The following SCMH1 variants were observed in gnomAD, a reference collection of about 807,000 sequenced individuals.
The protein encoded by SCMH1 is Scm polycomb group protein homolog 1.
SCMH1 carries 37 observed loss-of-function variants against 70.8 expected under a neutral mutation model. The observed-to-expected ratio is 0.52, with a 90% CI of 0.40 to 0.69. The LOEUF (loss-of-function observed/expected upper bound fraction) is 0.69, where lower values mean the gene tolerates loss of function less well. SCMH1 is among the 30% of genes least tolerant of loss of function. SCMH1 has a pLI of 0.00. For synonymous variants in SCMH1, 292 were observed against 307.4 expected (o/e 0.95, Z 0.52); for missense variants, 607 against 827.3 (o/e 0.73, Z 3.27).
intron 13 of SCMH1, among the ~76,000 whole-genome samples, chr1:41,035,589 C>G (rs1452582656): frequency 6.6e-6 from 1 of 152,192 alleles, no homozygotes; most frequent in Non-Finnish European, 1.5e-5. Context: ...CCTCCTCTCT[C>G]AGAGAAAGTG....
At chr1:41,214,001 A>G (rs1166097800) in intron 1 of SCMH1, among the ~76,000 whole-genome samples, 1 of 152,136 alleles carries the variant, frequency 6.6e-6, no homozygotes, top group African/African-American at 2.4e-5. Flanking sequence ...GAAAAACCCA[A>G]CATGTATTGT....
At chr1:41,028,814 T>G in intron 13 of SCMH1, 88 bp from the exon 15 acceptor site, 9 of 1,428,880 alleles carry the variant, frequency 6.3e-6, no homozygotes, top group Non-Finnish European at 8.7e-6. Context: ...AGTGGCCTTC[T>G]AGGTGATGCT....
At chr1:41,190,424 A>T (rs149163202) in intron 1 of SCMH1, among the ~76,000 whole-genome samples, 71 of 152,366 alleles carry the variant, frequency 4.7e-4, no homozygotes, top group African/African-American at 1.7e-3. Flanking sequence ...ACTTTCTGCC[A>T]GTCAGAGCTC....
chr1:41,151,590 C>T (rs1006991290), intron 5 of SCMH1, 24 bp downstream of exon 5: 1 of 1,580,568 alleles, frequency 6.3e-7, no homozygotes, highest in Non-Finnish European at 8.7e-7. Flanking sequence ...CTTCCACCTA[C>T]TAAAGATGTT....
In SCMH1 at chr1:41,241,376, G is replaced by A. The variant is rs560753838; in HGVS notation, c.-118+683C>T. Among the ~76,000 whole-genome samples the A allele has an allele frequency of 5.3e-5, 8 of 152,312 alleles. No individual in the cohort carries two copies. The South Asian group carries it at 1.7e-3, about 32-fold the overall frequency. On this transcript the variant is annotated intron_variant, in intron 1 of 14. Coordinates refer to ENST00000337495, the Ensembl canonical transcript of SCMH1. ...GGGCCGCTGTGGCTCACTTCGGTGC[G>A]GGGCCGCTCTCCCTGCCCGTTTCCG...
intron 1 of SCMH1, among the ~76,000 whole-genome samples, chr1:41,217,619 T>C (rs534663513): frequency 2.2e-4 from 33 of 152,306 alleles, no homozygotes; most frequent in African/African-American, 7.9e-4. Flanking sequence ...TGGACCTGCA[T>C]TGCACAGGAG....
At chr1:41,226,643 G>A (rs928955546) in intron 1 of SCMH1, among the ~76,000 whole-genome samples, 1 of 152,010 alleles carries the variant, frequency 6.6e-6, no homozygotes, top group Admixed American at 6.6e-5. Context: ...ATTATTTACT[G>A]AAATACCTAC....
At chr1:41,147,204 T>C (rs1644663119) in intron 5 of SCMH1, among the ~76,000 whole-genome samples, 1 of 152,212 alleles carries the variant, frequency 6.6e-6, no homozygotes, top group South Asian at 2.1e-4. Flanking sequence ...CTGTATACAT[T>C]TTCCTTGGTG....
intron 8 of SCMH1, among the ~76,000 whole-genome samples, chr1:41,102,118 G>C (rs1380734660): frequency 1.3e-5 from 2 of 152,150 alleles, no homozygotes; most frequent in Non-Finnish European, 2.9e-5. Flanking sequence ...ACAGAGCATA[G>C]GGAATTGGGA....
In SCMH1 at chr1:41,197,861, T is replaced by C. The variant is rs868346931; in HGVS notation, c.-117-11611A>G. ...CCTAGATGTAGTCCTCTATCAACTTTCTTTATGACTTCCTGTTTAACATGT... is the reference window on the plus strand; with the variant it reads ...CCTAGATGTAGTCCTCTATCAACTTCCTTTATGACTTCCTGTTTAACATGT... On this transcript the variant is annotated intron_variant, in intron 1 of 14. Coordinates refer to ENST00000337495, the Ensembl canonical transcript of SCMH1. Among the ~76,000 whole-genome samples the C allele has an allele frequency of 3.9e-5, 6 of 152,312 alleles. No individual in the cohort carries two copies. In the Middle Eastern group the frequency reaches 0.01, roughly 259 times the overall value.
chr1:41,128,853 T>G (rs1240890432), intron 6 of SCMH1, among the ~76,000 whole-genome samples: 1 of 152,160 alleles, frequency 6.6e-6, no homozygotes, highest in African/African-American at 2.4e-5. Flanking sequence ...TTTCTCTCTG[T>G]GTTTCATTTG....
chr1:41,109,449 G>T (rs1043763913), intron 8 of SCMH1, among the ~76,000 whole-genome samples: 2 of 152,200 alleles, frequency 1.3e-5, no homozygotes, highest in African/African-American at 4.8e-5. Flanking sequence ...TTTGTGAAAT[G>T]AATTGAGTAA....
intron 2 of SCMH1, among the ~76,000 whole-genome samples, chr1:41,174,079 C>T (rs1353176610): frequency 1.3e-5 from 2 of 152,064 alleles, no homozygotes; most frequent in Non-Finnish European, 2.9e-5. Flanking sequence ...GCAAGAAGAG[C>T]ATATTTCTGA....
intron 1 of SCMH1, among the ~76,000 whole-genome samples, chr1:41,232,263 C>T (rs1445870834): frequency 6.6e-6 from 1 of 152,018 alleles, no homozygotes; most frequent in Non-Finnish European, 1.5e-5. Context: ...TGAAGGGGTA[C>T]AGAAATGTTA....
intron 10 of SCMH1, among the ~76,000 whole-genome samples, chr1:41,065,122 T>C (rs1654128872): frequency 6.6e-6 from 1 of 152,222 alleles, no homozygotes; most frequent in Non-Finnish European, 1.5e-5. Context: ...TGTCAGTTCT[T>C]TCCAAGTCAA....
intron 8 of SCMH1, among the ~76,000 whole-genome samples, chr1:41,111,402 C>T (rs540906349): frequency 2.6e-5 from 4 of 152,300 alleles, no homozygotes; most frequent in East Asian, 1.9e-4. Flanking sequence ...TGTATTGGTG[C>T]GATCTTGGCT....
At chr1:41,057,208 C>A (rs915229998) in intron 10 of SCMH1, among the ~76,000 whole-genome samples, 5 of 152,102 alleles carry the variant, frequency 3.3e-5, no homozygotes, top group African/African-American at 1.2e-4. Context: ...GAATGCTTCC[C>A]ATCGCTCCAC....
chr1:41,225,092 G>A (rs894554481), intron 1 of SCMH1, among the ~76,000 whole-genome samples: 1 of 152,098 alleles, frequency 6.6e-6, no homozygotes, highest in African/African-American at 2.4e-5. Flanking sequence ...CTATTTAAAG[G>A]ATCAGATTCC....
At chr1:41,090,942 G>A (rs1156440140) in intron 8 of SCMH1, among the ~76,000 whole-genome samples, 1 of 151,824 alleles carries the variant, frequency 6.6e-6, no homozygotes, top group Non-Finnish European at 1.5e-5. Context: ...GGGAGGCTGA[G>A]GCAGGAGAAT....
Sources: gnomAD v4.1 joint callset for allele counts (sites outside exome capture counted in the v4.1 genomes callset) on GRCh38, gnomAD v4.1.1 for gene constraint, MANE v1.5 for transcripts, NCBI Gene and HGNC (gene_info 2026-07-23, HGNC 2026-07-21) for gene names.